C13orf42: variants seen among roughly 807,000 people sequenced by gnomAD.
C13orf42 encodes the protein uncharacterized protein C13orf42.
At chr13:51,126,804 C>T (rs559301380) in intron 1 of C13orf42, among the ~76,000 whole-genome samples, 10 of 152,268 alleles carry the variant, frequency 6.6e-5, no homozygotes, top group Admixed American at 2.0e-4. Flanking sequence ...CAATGCCACA[C>T]CTGATTATTT....
At chr13:51,143,955 G>T (rs1593550576) in intron 1 of C13orf42, among the ~76,000 whole-genome samples, 1 of 152,088 alleles carries the variant, frequency 6.6e-6, no homozygotes, top group African/African-American at 2.4e-5. Flanking sequence ...ATAACTTAGT[G>T]TACATTATCA....
intron 1 of C13orf42, among the ~76,000 whole-genome samples, chr13:51,169,104 A>G (rs902734224): frequency 6.6e-6 from 1 of 152,212 alleles, no homozygotes; most frequent in East Asian, 1.9e-4. Flanking sequence ...TTGCTATGAG[A>G]TATCTGCAAA....
intron 1 of C13orf42, among the ~76,000 whole-genome samples, chr13:51,149,765 T>C (rs562605192): frequency 1.3e-5 from 2 of 152,338 alleles, no homozygotes; most frequent in Non-Finnish European, 2.9e-5. Context: ...TTAGCATGAA[T>C]ATTTCTCTTC....
At chr13:51,137,475 G>A (rs1007027132) in intron 1 of C13orf42, among the ~76,000 whole-genome samples, 2 of 152,074 alleles carry the variant, frequency 1.3e-5, no homozygotes, top group Non-Finnish European at 2.9e-5. Context: ...TCCCTGAAGG[G>A]GCTGTTGGAG....
intron 1 of C13orf42, among the ~76,000 whole-genome samples, chr13:51,091,524 G>A (rs1386379877): frequency 6.6e-6 from 1 of 152,160 alleles, no homozygotes; most frequent in Non-Finnish European, 1.5e-5. Context: ...TCCCAGTCCT[G>A]AGAGTGATAA....
At chr13:51,113,971 G>C (rs183668209), upstream of C13orf42, among the ~76,000 whole-genome samples, 41 of 152,364 alleles carry the variant, frequency 2.7e-4, no homozygotes, top group African/African-American at 9.6e-4. Context: ...CTTGGCCAGA[G>C]AATCTGCATA....
At chr13:51,120,476 A>T (rs1243644199) in intron 1 of C13orf42, among the ~76,000 whole-genome samples, 1 of 152,106 alleles carries the variant, frequency 6.6e-6, no homozygotes, top group Admixed American at 6.6e-5. Flanking sequence ...ATGTAGTGGG[A>T]GCTTTATAAA....
At chr13:51,092,079 C>G (rs902248990) in intron 1 of C13orf42, among the ~76,000 whole-genome samples, 1 of 152,176 alleles carries the variant, frequency 6.6e-6, no homozygotes, top group Non-Finnish European at 1.5e-5. Flanking sequence ...TCTTACTGTC[C>G]AGGGGACAAA....
At chr13:51,169,528 G>A (rs564860917) in intron 1 of C13orf42, among the ~76,000 whole-genome samples, 3 of 152,340 alleles carry the variant, frequency 2.0e-5, no homozygotes, top group South Asian at 4.1e-4. Context: ...TGCCTCAAAG[G>A]CATTTCAGAG....
At chr13:51,154,076 G>A (rs1016268774) in intron 1 of C13orf42, among the ~76,000 whole-genome samples, 2 of 152,094 alleles carry the variant, frequency 1.3e-5, no homozygotes, top group Non-Finnish European at 2.9e-5. Context: ...CGTCACACAA[G>A]TGAATCATAC....
chr13:51,126,348 GGCTTATAAA>G (rs1324495588), intron 1 of C13orf42, among the ~76,000 whole-genome samples: 52 of 152,186 alleles, frequency 3.4e-4, no homozygotes, highest in Non-Finnish European at 6.9e-4. Flanking sequence ...CCATTTAAAT[GGCTTATAAA>G]GCACCTATTC....
chr13:51,158,066 T>C (rs1421756241), intron 1 of C13orf42, among the ~76,000 whole-genome samples: 3 of 152,338 alleles, frequency 2.0e-5, no homozygotes, highest in East Asian at 3.9e-4. Flanking sequence ...ACAGTGGACT[T>C]TGTGTACATT....
intron 1 of C13orf42, among the ~76,000 whole-genome samples, chr13:51,165,534 T>C (rs534107394): frequency 8.7e-4 from 124 of 142,114 alleles, no homozygotes; most frequent in Middle Eastern, 3.7e-3. Context: ...CCGGAGCAAG[T>C]AAAGGAGAAC....
chr13:51,130,194 G>A (rs1204032881), intron 1 of C13orf42, among the ~76,000 whole-genome samples: 3 of 152,156 alleles, frequency 2.0e-5, no homozygotes, highest in African/African-American at 7.2e-5. Flanking sequence ...AAGATTATTG[G>A]TAAAACAAAG....
rs568298990 is a variant in C13orf42 at position 51,099,097 on chromosome 13, T to G, written c.415-11022A>C. On this transcript the variant is annotated intron_variant, in intron 1 of 3. Transcript: ENST00000563710. ...TTACCAAATAAGGTTTTTCTGGTTT[T>G]AAACCTTAAAAGTTTCATCTAGTGC... Among the ~76,000 whole-genome samples the G allele has an allele frequency of 2.0e-4, 31 of 152,346 alleles. No individual in the cohort carries two copies. In the South Asian group the frequency reaches 6.4e-3, roughly 32 times the overall value.
intron 1 of C13orf42, among the ~76,000 whole-genome samples, chr13:51,107,730 T>A (rs1007642675): frequency 6.6e-6 from 1 of 152,226 alleles, no homozygotes; most frequent in Admixed American, 6.5e-5. Context: ...TATTCACTTT[T>A]ATGCTCTGGA....
intron 1 of C13orf42, among the ~76,000 whole-genome samples, chr13:51,169,489 A>T (rs1457883130): frequency 1.3e-5 from 2 of 152,230 alleles, no homozygotes; most frequent in African/African-American, 4.8e-5. Context: ...AGAGGAGCCA[A>T]ATGTTGATAG....
chr13:51,151,375 G>A (rs202123988), intron 1 of C13orf42, among the ~76,000 whole-genome samples: 15 of 148,696 alleles, frequency 1.0e-4, no homozygotes, highest in African/African-American at 3.2e-4. Context: ...GCTGGAAAAG[G>A]AAAAAAAAAA....
At chr13:51,168,597 A>G (rs377679504) in intron 1 of C13orf42, among the ~76,000 whole-genome samples, 20 of 152,360 alleles carry the variant, frequency 1.3e-4, no homozygotes, top group African/African-American at 4.6e-4. Flanking sequence ...AACTCCCTAC[A>G]GAGAGGAAGC....
Sources: allele counts gnomAD v4.1 joint callset (sites outside exome capture counted in the v4.1 genomes callset), GRCh38; gene constraint gnomAD v4.1.1; transcripts MANE v1.5; gene names NCBI Gene and HGNC (gene_info 2026-07-23, HGNC 2026-07-21).